Variants in SSH2 observed in about 807,000 individuals in gnomAD.
SSH2 encodes protein phosphatase Slingshot homolog 2.
In SSH2, 37 loss-of-function variants were observed where a neutral mutation model predicts 135.2. The observed-to-expected ratio is 0.27, with a 90% CI of 0.21 to 0.36. The LOEUF (loss-of-function observed/expected upper bound fraction) is 0.36. Among genes scored for constraint, SSH2 ranks in the 10% least tolerant of loss-of-function variants. The pLI is 1.00. For synonymous variants in SSH2, 628 were observed against 646.2 expected, an observed-to-expected ratio of 0.97 and a Z score of 0.43; for missense variants, 1,408 against 1,765.3, an observed-to-expected ratio of 0.80 and a Z score of 3.63.
At chr17:29,660,931 C>A (rs1023549382) in intron 11 of SSH2, among the ~76,000 whole-genome samples, 1 of 151,584 alleles carries the variant, frequency 6.6e-6, no homozygotes, top group African/African-American at 2.4e-5. Context: ...GTGGTGCGTG[C>A]GTGCCTGTAA....
At chr17:29,847,538 C>G (rs1274138888) in intron 2 of SSH2, among the ~76,000 whole-genome samples, 1 of 152,124 alleles carries the variant, frequency 6.6e-6, no homozygotes, top group African/African-American at 2.4e-5. Flanking sequence ...AGTTGGAGAG[C>G]TCATTAGTTT....
At position 29,681,375 on chromosome 17, in the gene SSH2, C is replaced by T. The variant is rs1160778619; in HGVS notation, c.479+3188G>A. On this transcript the variant is annotated intron_variant, in intron 6 of 15. Transcript: ENST00000540801. ...AAAAAAAAAAAAAGTAGCTTTTTCA[C>T]GCAACAGGAAGGAAAGGACTGAATA... Among the ~76,000 whole-genome samples the T allele has an allele frequency of 3.6e-5, 5 of 137,024 alleles. No homozygotes were observed. In the South Asian group the frequency reaches 7.3e-4, roughly 20 times the overall value. The allele number at this position is 137,024 out of a possible 152,430, so 89.9% of individuals were successfully genotyped here. A position where few individuals can be genotyped will look rare whatever the true frequency, so the allele number is the denominator to read the frequency against.
intron 1 of SSH2, among the ~76,000 whole-genome samples, chr17:29,897,653 A>T (rs2066469737): frequency 6.6e-6 from 1 of 152,124 alleles, no homozygotes; most frequent in Non-Finnish European, 1.5e-5. Flanking sequence ...CTACAAAGAG[A>T]CTTAGACTTC....
intron 3 of SSH2, among the ~76,000 whole-genome samples, chr17:29,730,644 G>T (rs945062975): frequency 6.6e-6 from 1 of 151,808 alleles, no homozygotes; most frequent in African/African-American, 2.4e-5. Context: ...TCACCATGTT[G>T]CCCAGGCTGG....
intron 3 of SSH2, among the ~76,000 whole-genome samples, chr17:29,772,475 TCTTA>T (rs1356697469): frequency 6.6e-6 from 1 of 152,116 alleles, no homozygotes; most frequent in East Asian, 1.9e-4. Context: ...GTCTTCTTAC[TCTTA>T]CTTAATTGCT....
At position 29,821,977 on chromosome 17, in the gene SSH2, T is replaced by C. The variant is rs576958965; in HGVS notation, c.144+26872A>G. Among the ~76,000 whole-genome samples, 33 of 152,298 alleles carry C rather than the reference T, an allele frequency of 2.2e-4. No homozygotes were observed. The South Asian group carries it at 6.2e-3, about 29-fold the overall frequency. The stretch of plus-strand genomic sequence containing the variant: ...GAATCAAAAGAATATCTATAAACCT[T>C]GGAATTCATGGTCATAAGAAACTGG... On this transcript the variant is annotated intron_variant, in intron 2 of 15. Transcript: ENST00000540801.
chr17:29,684,530 C>T, intron 6 of SSH2, 33 bp downstream of exon 6: 1 of 1,531,036 alleles, frequency 6.5e-7, no homozygotes. Context: ...ACTTAAAAAG[C>T]AGTTTTCACA....
At chr17:29,692,520 GAA>G (rs1170296937) in intron 5 of SSH2, among the ~76,000 whole-genome samples, 1 of 152,204 alleles carries the variant, frequency 6.6e-6, no homozygotes, top group Non-Finnish European at 1.5e-5. Flanking sequence ...ATTTTAGTAA[GAA>G]AAGAATTGCC....
At chr17:29,898,536 T>C (rs535274118) in intron 1 of SSH2, among the ~76,000 whole-genome samples, 6 of 152,124 alleles carry the variant, frequency 3.9e-5, no homozygotes, top group Admixed American at 2.6e-4. Flanking sequence ...CTAGAAGAAA[T>C]GGATAAATTC....
chr17:29,891,403 AC>A (rs1256452414), intron 1 of SSH2, among the ~76,000 whole-genome samples: 2 of 152,040 alleles, frequency 1.3e-5, no homozygotes, highest in African/African-American at 4.8e-5. Flanking sequence ...TCTAGACAAA[AC>A]CCATCAGATT....
At chr17:29,873,432 G>T (rs1054314274) in intron 1 of SSH2, among the ~76,000 whole-genome samples, 1 of 151,918 alleles carries the variant, frequency 6.6e-6, no homozygotes, top group Non-Finnish European at 1.5e-5. Context: ...GGTGGTGCAC[G>T]CCTGTAATCC....
intron 5 of SSH2, among the ~76,000 whole-genome samples, chr17:29,689,230 A>G (rs1409193957): frequency 2.0e-5 from 3 of 152,196 alleles, no homozygotes; most frequent in East Asian, 3.8e-4. Flanking sequence ...TGCCGCAGCC[A>G]TAAGGAAAAG....
At chr17:29,741,456 C>T (rs1443948844) in intron 3 of SSH2, among the ~76,000 whole-genome samples, 1 of 152,042 alleles carries the variant, frequency 6.6e-6, no homozygotes, top group African/African-American at 2.4e-5. Context: ...AAATGTTCAA[C>T]AATCGGATTG....
At chr17:29,720,328 T>C (rs2039777198) in intron 3 of SSH2, among the ~76,000 whole-genome samples, 1 of 152,230 alleles carries the variant, frequency 6.6e-6, no homozygotes, top group Non-Finnish European at 1.5e-5. Context: ...CCACAAAAAC[T>C]GAACTCCATC....
intron 4 of SSH2, among the ~76,000 whole-genome samples, chr17:29,697,730 C>G (rs964563331): frequency 2.6e-5 from 4 of 152,114 alleles, no homozygotes; most frequent in African/African-American, 7.2e-5. Context: ...CCAATTAATT[C>G]CATATTGCAG....
chr17:29,898,564 C>T (rs964638640), intron 1 of SSH2, among the ~76,000 whole-genome samples: 3 of 152,156 alleles, frequency 2.0e-5, no homozygotes, highest in African/African-American at 7.2e-5. Context: ...CATACACCCT[C>T]CCAAGACTAC....
intron 3 of SSH2, among the ~76,000 whole-genome samples, chr17:29,736,404 G>T (rs2040364230): frequency 6.6e-6 from 1 of 152,132 alleles, no homozygotes; most frequent in Non-Finnish European, 1.5e-5. Flanking sequence ...CCAAGGAAAT[G>T]ATTAGATTTA....
chr17:29,927,202 T>C (rs963862134), intron 1 of SSH2, among the ~76,000 whole-genome samples: 20 of 152,218 alleles, frequency 1.3e-4, no homozygotes, highest in African/African-American at 4.3e-4. Flanking sequence ...AGTGAACTTA[T>C]CTTAATCTGA....
At chr17:29,765,813 A>C (rs2041429993) in intron 3 of SSH2, among the ~76,000 whole-genome samples, 1 of 152,094 alleles carries the variant, frequency 6.6e-6, no homozygotes, top group Non-Finnish European at 1.5e-5. Flanking sequence ...TGAGGTCAGG[A>C]GTTCAAGACC....
Sources: gnomAD v4.1 joint callset for allele counts (sites outside exome capture counted in the v4.1 genomes callset) on GRCh38, gnomAD v4.1.1 for gene constraint, MANE v1.5 for transcripts, NCBI Gene and HGNC (gene_info 2026-07-23, HGNC 2026-07-21) for gene names.